The following PXDNL variants were observed in gnomAD, a reference collection of about 807,000 sequenced individuals.
PXDNL encodes probable oxidoreductase PXDNL.
A neutral mutation model predicts 150.8 loss-of-function variants in PXDNL; 145 were observed. The ratio of observed to expected loss-of-function variants is 0.96; its 90% CI spans 0.84 to 1.10. The LOEUF is 1.10. Ranked by LOEUF, PXDNL falls within the 50% of genes least tolerant of loss-of-function variation. The pLI is 0.00. For missense variants in PXDNL, 2,087 were observed against 1,873.9 expected (o/e 1.11, Z -2.10); for synonymous variants, 757 against 725.7 (o/e 1.04, Z -0.69).
intron 10 of PXDNL, 45 bp downstream of exon 10, chr8:51,453,474 G>A (rs756168250): frequency 6.3e-6 from 10 of 1,584,262 alleles, no homozygotes; most frequent in South Asian, 1.1e-5. Flanking sequence ...AATTTTCTGA[G>A]TGTGGCAGGA....
At chr8:51,439,871 C>T (rs376005812) in intron 12 of PXDNL, among the ~76,000 whole-genome samples, 3 of 150,380 alleles carry the variant, frequency 2.0e-5, no homozygotes, top group South Asian at 2.1e-4. Flanking sequence ...ACCATTTGAT[C>T]CAACAATTCC....
rs141289504 is a variant in PXDNL at position 51,777,530 on chromosome 8, G to A, written c.164+31651C>T. Among the ~76,000 whole-genome samples, 232 of 152,318 alleles carry A rather than the reference G, an allele frequency of 1.5e-3. 5 individuals carry two copies. The highest frequency in any genetic ancestry group is 7.2e-4 in the Non-Finnish European group (49 of 68,022). On this transcript the variant is annotated intron_variant, in intron 1 of 22. Coordinates refer to ENST00000356297, the MANE Select transcript of PXDNL (RefSeq NM_144651.5). ...GTTTATGTTCAGTTCTCAAGTTTCGGTTCAGTGAATTTTTAACACAAATTT... is the reference window on the plus strand; with the variant it reads ...GTTTATGTTCAGTTCTCAAGTTTCGATTCAGTGAATTTTTAACACAAATTT...
At chr8:51,435,892 G>T in intron 12 of PXDNL, 1 of 467,712 alleles carries the variant, frequency 2.1e-6, no homozygotes, top group Non-Finnish European at 4.3e-6. Flanking sequence ...AAAATGGATC[G>T]TAAGCATAAA....
chr8:51,558,002 G>C (rs1306805319), intron 3 of PXDNL, among the ~76,000 whole-genome samples: 1 of 152,020 alleles, frequency 6.6e-6, no homozygotes, highest in Non-Finnish European at 1.5e-5. Flanking sequence ...AGAAGATTTT[G>C]CTTTTACTCC....
chr8:51,457,271 A>G (rs1260481318), intron 9 of PXDNL, among the ~76,000 whole-genome samples: 2 of 152,342 alleles, frequency 1.3e-5, no homozygotes, highest in Non-Finnish European at 1.5e-5. Flanking sequence ...AATCAAAAGG[A>G]GAATAGAAAA....
intron 17 of PXDNL, among the ~76,000 whole-genome samples, chr8:51,400,395 A>G: frequency 6.6e-6 from 1 of 152,168 alleles, no homozygotes; most frequent in African/African-American, 2.4e-5. Context: ...ATTTTTGAGC[A>G]TTTCAGGAAT....
intron 4 of PXDNL, among the ~76,000 whole-genome samples, chr8:51,548,301 T>C (rs1812405957): frequency 6.6e-6 from 1 of 152,150 alleles, no homozygotes; most frequent in African/African-American, 2.4e-5. Flanking sequence ...CCCTGAACTT[T>C]CTAGAGGTCT....
intron 4 of PXDNL, among the ~76,000 whole-genome samples, chr8:51,536,450 TG>T (rs1812080721): frequency 6.6e-6 from 1 of 152,154 alleles, no homozygotes; most frequent in Non-Finnish European, 1.5e-5. Context: ...TGGGCTTTCT[TG>T]GTAAGAAAAA....
intron 4 of PXDNL, among the ~76,000 whole-genome samples, chr8:51,533,734 G>A (rs1811969303): frequency 6.6e-6 from 1 of 151,066 alleles, no homozygotes; most frequent in African/African-American, 2.4e-5. Flanking sequence ...TGATCCGCCA[G>A]CCTCGGCCTC....
At chr8:51,475,720 C>G (rs947112665) in intron 6 of PXDNL, among the ~76,000 whole-genome samples, 2 of 152,134 alleles carry the variant, frequency 1.3e-5, no homozygotes, top group Non-Finnish European at 2.9e-5. Flanking sequence ...TCCTATTGAT[C>G]TCATCACCAA....
intron 6 of PXDNL, among the ~76,000 whole-genome samples, chr8:51,481,556 G>T (rs999582953): frequency 6.6e-6 from 1 of 152,178 alleles, no homozygotes. Flanking sequence ...ATGTCTCCAG[G>T]GTATGTCAGA....
chr8:51,501,597 ATC>A (rs556100049), intron 4 of PXDNL, among the ~76,000 whole-genome samples: 81 of 150,708 alleles, frequency 5.4e-4, no homozygotes, highest in African/African-American at 1.9e-3. Flanking sequence ...CACTCACCTA[ATC>A]TCACACACTC....
chr8:51,534,411 T>C, intron 4 of PXDNL, among the ~76,000 whole-genome samples: 1 of 136,192 alleles, frequency 7.3e-6, no homozygotes, highest in Admixed American at 7.0e-5. Context: ...GGGGCGCCTC[T>C]GCCCGGCCGC....
intron 4 of PXDNL, among the ~76,000 whole-genome samples, chr8:51,524,250 T>C (rs1811721114): frequency 6.6e-6 from 1 of 152,226 alleles, no homozygotes; most frequent in Non-Finnish European, 1.5e-5. Flanking sequence ...AAAGCTGTTT[T>C]CTTGTAATGA....
chr8:51,760,706 A>T (rs1195499033), intron 1 of PXDNL, among the ~76,000 whole-genome samples: 1 of 152,192 alleles, frequency 6.6e-6, no homozygotes, highest in Non-Finnish European at 1.5e-5. Context: ...AGTCATAATC[A>T]TGCGTGCACA....
At chr8:51,352,765 C>A (rs1393162734) in intron 19 of PXDNL, among the ~76,000 whole-genome samples, 1 of 152,170 alleles carries the variant, frequency 6.6e-6, no homozygotes, top group Non-Finnish European at 1.5e-5. Flanking sequence ...TGGAATAATA[C>A]TCAGCCATAA....
chr8:51,778,749 T>C (rs2037382032), intron 1 of PXDNL, among the ~76,000 whole-genome samples: 1 of 152,214 alleles, frequency 6.6e-6, no homozygotes. Flanking sequence ...CTTTCACTTT[T>C]AAATGAAAGA....
chr8:51,709,627 G>A (rs1002485549), intron 1 of PXDNL, among the ~76,000 whole-genome samples: 3 of 152,216 alleles, frequency 2.0e-5, no homozygotes, highest in African/African-American at 7.2e-5. Flanking sequence ...ACTCATCACA[G>A]TATTGTTTAT....
chr8:51,483,804 A>C, intron 5 of PXDNL, 90 bp from the exon 6 acceptor site: 2 of 734,476 alleles, frequency 2.7e-6, no homozygotes, highest in South Asian at 1.7e-5. Context: ...TGAATCCAAT[A>C]CCTTTTTTGA....
Sources: gnomAD v4.1 joint callset for allele counts (sites outside exome capture counted in the v4.1 genomes callset) on GRCh38, gnomAD v4.1.1 for gene constraint, MANE v1.5 for transcripts, NCBI Gene and HGNC (gene_info 2026-07-23, HGNC 2026-07-21) for gene names.